Variants in NLGN1 observed in about 807,000 individuals in gnomAD.
NLGN1 encodes the protein neuroligin 1.
In NLGN1, 12 loss-of-function variants were observed where a neutral mutation model predicts 65.5. That is an observed-to-expected ratio of 0.18 (90% CI 0.12 to 0.30). The LOEUF is 0.30. Ranked by LOEUF, NLGN1 falls within the 10% of genes least tolerant of loss-of-function variation. The pLI is 1.00. For missense variants in NLGN1, 750 were observed against 1,007.1 expected, an observed-to-expected ratio of 0.74 and a Z score of 3.46; for synonymous variants, 350 against 359.5, an observed-to-expected ratio of 0.97 and a Z score of 0.30.
chr3:173,505,299 T>C (rs778491496), intron 2 of NLGN1, among the ~76,000 whole-genome samples: 1 of 152,122 alleles, frequency 6.6e-6, no homozygotes, highest in Non-Finnish European at 1.5e-5. Context: ...CCTACCTGGC[T>C]TACAGCATTG....
chr3:173,477,385 AAAC>A (rs578104629), intron 2 of NLGN1, among the ~76,000 whole-genome samples: 14 of 152,190 alleles, frequency 9.2e-5, no homozygotes, highest in African/African-American at 2.4e-4. Flanking sequence ...TATGGAAAAA[AAAC>A]AACAACATAA....
intron 4 of NLGN1, chr3:173,910,920 GC>G (rs1466867502): frequency 7.2e-5 from 11 of 152,172 alleles, no homozygotes; most frequent in African/African-American, 2.7e-4. Context: ...TATTTGAAAT[GC>G]TTTGGGAACT....
intron 2 of NLGN1, among the ~76,000 whole-genome samples, chr3:173,512,817 T>C (rs1474346265): frequency 6.6e-6 from 1 of 152,192 alleles, no homozygotes; most frequent in Non-Finnish European, 1.5e-5. Flanking sequence ...TGACATTTGT[T>C]CTGTTTCATT....
At chr3:174,124,825 TG>T (rs1319639846) in intron 4 of NLGN1, among the ~76,000 whole-genome samples, 1 of 151,838 alleles carries the variant, frequency 6.6e-6, no homozygotes, top group African/African-American at 2.4e-5. Context: ...TATGGGAGCA[TG>T]TAACAAAAGG....
chr3:173,912,511 G>A (rs1739823448), intron 4 of NLGN1: 1 of 152,118 alleles, frequency 6.6e-6, no homozygotes. Context: ...TAAATCATAT[G>A]TGCTAAGTGT....
At chr3:173,962,346 G>C (rs1469066772) in intron 4 of NLGN1, among the ~76,000 whole-genome samples, 1 of 151,996 alleles carries the variant, frequency 6.6e-6, no homozygotes, top group Non-Finnish European at 1.5e-5. Flanking sequence ...ACCTTAAGTT[G>C]GAAGCCCCAT....
intron 2 of NLGN1, among the ~76,000 whole-genome samples, chr3:173,546,425 A>C (rs956053654): frequency 2.0e-5 from 3 of 152,154 alleles, no homozygotes; most frequent in African/African-American, 7.2e-5. Flanking sequence ...CAATCCCTAA[A>C]ATACTGTCTG....
chr3:173,586,298 G>A (rs1468838571), intron 2 of NLGN1, among the ~76,000 whole-genome samples: 1 of 152,154 alleles, frequency 6.6e-6, no homozygotes. Flanking sequence ...GATTATGACT[G>A]TATGCAGATA....
chr3:173,402,024 A>G (rs1437100515), intron 1 of NLGN1, among the ~76,000 whole-genome samples: 4 of 152,188 alleles, frequency 2.6e-5, no homozygotes, highest in South Asian at 2.1e-4. Flanking sequence ...AGACTTTGCT[A>G]TTGATACTTA....
At chr3:173,901,533 G>T (rs560950049) in intron 4 of NLGN1, among the ~76,000 whole-genome samples, 1 of 151,844 alleles carries the variant, frequency 6.6e-6, no homozygotes, top group South Asian at 2.1e-4. Flanking sequence ...CTTATTCAGG[G>T]TATGCATATT....
At chr3:173,579,453 G>A (rs1356566192) in intron 2 of NLGN1, among the ~76,000 whole-genome samples, 1 of 152,152 alleles carries the variant, frequency 6.6e-6, no homozygotes, top group Non-Finnish European at 1.5e-5. Context: ...CTCCAGCCTG[G>A]GCAAGACAGT....
downstream of NLGN1, among the ~76,000 whole-genome samples, chr3:174,290,849 A>C (rs1251751064): frequency 1.3e-5 from 2 of 151,008 alleles, no homozygotes; most frequent in African/African-American, 4.8e-5. Flanking sequence ...TATCAGAACA[A>C]AAAGAATAGA....
intron 4 of NLGN1, among the ~76,000 whole-genome samples, chr3:174,256,329 CA>C (rs923951762): frequency 6.6e-6 from 1 of 152,118 alleles, no homozygotes; most frequent in African/African-American, 2.4e-5. Context: ...TACATCTCTC[CA>C]AAATGCTGTC....
intron 4 of NLGN1, among the ~76,000 whole-genome samples, chr3:174,102,825 C>T (rs9883172): frequency 0.073 from 11,160 of 152,016 alleles, 465 homozygotes; most frequent in African/African-American, 0.096. Flanking sequence ...ATTAGATTCG[C>T]CAGGAGAAGT....
At chr3:173,629,663 T>C (rs933770816) in intron 3 of NLGN1, among the ~76,000 whole-genome samples, 1 of 152,130 alleles carries the variant, frequency 6.6e-6, no homozygotes, top group African/African-American at 2.4e-5. Context: ...TTTTAGCAAG[T>C]TGTATATCAA....
intron 3 of NLGN1, among the ~76,000 whole-genome samples, chr3:173,690,189 A>G (rs1765264177): frequency 6.6e-6 from 1 of 152,180 alleles, no homozygotes; most frequent in Non-Finnish European, 1.5e-5. Flanking sequence ...CTTGGCGTGG[A>G]TTCAGGTTAG....
At chr3:174,263,653 T>C (rs776992098) in intron 4 of NLGN1, among the ~76,000 whole-genome samples, 4,037 of 152,060 alleles carry the variant, frequency 0.027, 176 homozygotes, top group African/African-American at 0.092. Context: ...CCAGTCTGTG[T>C]CTTTTAATTG....
At chr3:173,904,727 C>G (rs767113217) in intron 4 of NLGN1, among the ~76,000 whole-genome samples, 2 of 152,144 alleles carry the variant, frequency 1.3e-5, no homozygotes, top group Non-Finnish European at 2.9e-5. Flanking sequence ...TAGACCAGCT[C>G]TGACCATACA....
chr3:173,488,880 T>A (rs985080827), intron 2 of NLGN1, among the ~76,000 whole-genome samples: 2 of 151,822 alleles, frequency 1.3e-5, no homozygotes, highest in Non-Finnish European at 1.5e-5. Context: ...CTGAAACTTT[T>A]ATTAGGTGAT....
Sources: gnomAD v4.1 joint callset for allele counts (sites outside exome capture counted in the v4.1 genomes callset) on GRCh38, gnomAD v4.1.1 for gene constraint, MANE v1.5 for transcripts, NCBI Gene and HGNC (gene_info 2026-07-23, HGNC 2026-07-21) for gene names.